The following STYX variants were observed in gnomAD, a reference collection of about 807,000 sequenced individuals.
The protein encoded by STYX is serine/threonine/tyrosine interacting protein, also known as serine/threonine/tyrosine-interacting protein.
STYX carries 20 observed loss-of-function variants against 42.7 expected under a neutral mutation model. The observed-to-expected ratio is 0.47, with a 90% CI of 0.33 to 0.68. STYX has a LOEUF of 0.68. Ranked by LOEUF, STYX falls within the 30% of genes least tolerant of loss-of-function variation. The pLI is 0.02. For synonymous variants in STYX, 78 were observed against 81.9 expected, an observed-to-expected ratio of 0.95 and a Z score of 0.26; for missense variants, 226 against 268.5, an observed-to-expected ratio of 0.84 and a Z score of 1.11.
At chr14:52,745,435 A>G (rs1012678656) in intron 2 of STYX, among the ~76,000 whole-genome samples, 11 of 152,170 alleles carry the variant, frequency 7.2e-5, no homozygotes, top group African/African-American at 2.7e-4. Context: ...GTGCCTGGCC[A>G]ATGAGTCACT....
Position 52,772,421 on chromosome 14 carries a change from A to ATG in STYX, c.*1317_*1318dup, listed in dbSNP as rs1882547814. On this transcript the variant is annotated 3_prime_UTR_variant, in exon 11 of 11. Transcript: ENST00000354586. ...AAAGTCACTTTATGGATTTTTGGCT[A>ATG]TGTTTTAGTTTGTGTGTATAAAAGT... The ATG allele has an allele frequency of 6.6e-6, 1 of 152,588 alleles. No individual in the cohort carries two copies. The highest frequency in any genetic ancestry group is 1.5e-5 in the Non-Finnish European group (1 of 68,004). 9.5% of individuals were successfully genotyped at this position (152,588 alleles called of 1,614,324 possible).
intron 2 of STYX, among the ~76,000 whole-genome samples, chr14:52,745,294 A>G (rs1026449593): frequency 2.6e-5 from 4 of 151,842 alleles, no homozygotes; most frequent in Non-Finnish European, 4.4e-5. Context: ...CTAATTTTGT[A>G]TTTTTAGTAG....
At chr14:52,760,218 CTTT>C (rs994908532) in intron 9 of STYX, among the ~76,000 whole-genome samples, 1 of 151,138 alleles carries the variant, frequency 6.6e-6, no homozygotes, top group African/African-American at 2.5e-5. Flanking sequence ...ATTAAAAAAA[CTTT>C]TTTTTCTTAA....
intron 9 of STYX, among the ~76,000 whole-genome samples, chr14:52,767,465 C>G (rs1882350488): frequency 6.6e-6 from 1 of 152,058 alleles, no homozygotes; most frequent in South Asian, 2.1e-4. Context: ...TGGTTATACT[C>G]TTGCTTTTCT....
chr14:52,768,118 A>G (rs1386388424), intron 9 of STYX, among the ~76,000 whole-genome samples: 1 of 152,166 alleles, frequency 6.6e-6, no homozygotes, highest in African/African-American at 2.4e-5. Flanking sequence ...TTAGCGAGCT[A>G]TGAACTGTAC....
At chr14:52,740,360 C>A (rs893989623) in intron 1 of STYX, among the ~76,000 whole-genome samples, 1 of 152,154 alleles carries the variant, frequency 6.6e-6, no homozygotes, top group East Asian at 1.9e-4. Context: ...TATTTCTATT[C>A]TGTTAATATC....
At chr14:52,758,149 C>A (rs951342273) in intron 8 of STYX, among the ~76,000 whole-genome samples, 4 of 152,124 alleles carry the variant, frequency 2.6e-5, no homozygotes, top group Non-Finnish European at 5.9e-5. Context: ...ACTTACCTAC[C>A]ACAAGGGAAT....
In STYX at chr14:52,730,462, G is replaced by A. The variant is rs1417480502; in HGVS notation, c.-13G>A. ...ACTCTCCCACCCCACCCACCAGCCC[G>A]CGGGCCAGCACCATGGAGGACGTGA... On this transcript the variant is annotated 5_prime_UTR_variant, in exon 1 of 11. Transcript: ENST00000354586. The A allele has an allele frequency of 1.9e-6, 3 of 1,612,928 alleles. No homozygotes were observed. The highest frequency in any genetic ancestry group is 1.7e-6 in the Non-Finnish European group (2 of 1,179,564).
At chr14:52,734,800 G>A (rs1365171438) in intron 1 of STYX, among the ~76,000 whole-genome samples, 3 of 152,174 alleles carry the variant, frequency 2.0e-5, no homozygotes, top group Non-Finnish European at 4.4e-5. Context: ...GGTGGCTCAC[G>A]CCTGTAATCC....
intron 1 of STYX, among the ~76,000 whole-genome samples, chr14:52,735,392 C>T (rs988262844): frequency 6.6e-6 from 1 of 152,168 alleles, no homozygotes; most frequent in Non-Finnish European, 1.5e-5. Flanking sequence ...CAATGAGGGG[C>T]CCCATCTAGG....
intron 3 of STYX, among the ~76,000 whole-genome samples, chr14:52,749,917 G>C (rs1881543870): frequency 6.6e-6 from 1 of 152,158 alleles, no homozygotes; most frequent in Non-Finnish European, 1.5e-5. Context: ...CCAAATGACT[G>C]TATGAAATTA....
rs564877559 is a variant in STYX, at chr14:52,751,901, G to A, written c.242+1121G>A. Among the ~76,000 whole-genome samples the A allele has an allele frequency of 2.0e-4, 30 of 152,168 alleles. 1 individual carries two copies. In the South Asian group the frequency reaches 6.2e-3, roughly 32 times the overall value. ...ATTTTAGGCCAGCACGGTGGCTCACGCCTGTAATCCCAGCATTTTGGGAGG... is the reference window on the plus strand; with the variant it reads ...ATTTTAGGCCAGCACGGTGGCTCACACCTGTAATCCCAGCATTTTGGGAGG... On this transcript the variant is annotated intron_variant, in intron 4 of 10. Transcript: ENST00000354586.
At chr14:52,737,081 C>T (rs1307431465) in intron 1 of STYX, among the ~76,000 whole-genome samples, 1 of 152,062 alleles carries the variant, frequency 6.6e-6, no homozygotes, top group Non-Finnish European at 1.5e-5. Context: ...CCACCTCCAG[C>T]CTATGTACAA....
Position 52,750,749 on chromosome 14 carries a change from T to A in STYX, c.211T>A (p.Phe71Ile). 1 of 1,594,614 alleles carries A rather than the reference T, an allele frequency of 6.3e-7. No individual in the cohort carries two copies. The highest frequency in any genetic ancestry group is 8.5e-7 in the Non-Finnish European group (1 of 1,171,370). ...ICIRQNIEAN[F>I]IKPNFQQLFR... ...CATACGACAAAATATTGAAGCAAAC[T>A]TTATTAAACCAAACTTTCAGCAGTT... The change falls in exon 4 of 11, where the codon TTT (phenylalanine) becomes ATT (isoleucine). Residue 71 changes from phenylalanine to isoleucine, a missense_variant. Coordinates refer to ENST00000354586, the MANE Select transcript of STYX (RefSeq NM_145251.4).
chr14:52,754,585 C>T (rs1403541065), intron 4 of STYX, among the ~76,000 whole-genome samples: 1 of 152,106 alleles, frequency 6.6e-6, no homozygotes, highest in Non-Finnish European at 1.5e-5. Flanking sequence ...AAATCATCTA[C>T]AGTTCCACAA....
chr14:52,732,188 C>G (rs1028421405), intron 1 of STYX, among the ~76,000 whole-genome samples: 6 of 149,406 alleles, frequency 4.0e-5, no homozygotes, highest in Admixed American at 4.0e-4. Flanking sequence ...GCCTCTGCCT[C>G]GGGTCCCGGT....
At chr14:52,730,929 ACT>A (rs1880673817) in intron 1 of STYX, among the ~76,000 whole-genome samples, 1 of 151,952 alleles carries the variant, frequency 6.6e-6, no homozygotes, top group Non-Finnish European at 1.5e-5. Flanking sequence ...TGTGAAATAG[ACT>A]CGGCGCCTGA....
intron 3 of STYX, among the ~76,000 whole-genome samples, chr14:52,746,706 A>G (rs932134033): frequency 6.6e-6 from 1 of 152,186 alleles, no homozygotes; most frequent in Non-Finnish European, 1.5e-5. Flanking sequence ...TGAAATTTGT[A>G]TGTTTGAAAG....
At chr14:52,741,864 T>C (rs1881207615) in intron 1 of STYX, among the ~76,000 whole-genome samples, 1 of 152,240 alleles carries the variant, frequency 6.6e-6, no homozygotes, top group Non-Finnish European at 1.5e-5. Context: ...TATTTTTCGT[T>C]ATTGCTTATA....
Sources: gnomAD v4.1 joint callset for allele counts (sites outside exome capture counted in the v4.1 genomes callset) on GRCh38, gnomAD v4.1.1 for gene constraint, MANE v1.5 for transcripts, NCBI Gene and HGNC (gene_info 2026-07-23, HGNC 2026-07-21) for gene names.